CCDC178: variants seen among roughly 807,000 people sequenced by gnomAD.
The protein encoded by CCDC178 is coiled-coil domain containing 178, also known as coiled-coil domain-containing protein 178.
CCDC178 carries 126 observed loss-of-function variants against 117.4 expected under a neutral mutation model. The ratio of observed to expected loss-of-function variants is 1.07; its 90% CI spans 0.93 to 1.24. The LOEUF (loss-of-function observed/expected upper bound fraction) is 1.24, where lower values mean the gene tolerates loss of function less well. Ranked by LOEUF, CCDC178 falls within the 50% of genes most tolerant of loss-of-function variation. The probability of loss-of-function intolerance (pLI) is 0.00; values close to 1 mark genes in which losing one functional copy is unlikely to be tolerated. For synonymous variants in CCDC178, 283 were observed against 313.4 expected (o/e 0.90, Z 1.02); for missense variants, 1,030 against 986.9 (o/e 1.04, Z -0.59).
intron 21 of CCDC178, among the ~76,000 whole-genome samples, chr18:33,046,609 A>T (rs2056647327): frequency 6.6e-6 from 1 of 152,200 alleles, no homozygotes; most frequent in Non-Finnish European, 1.5e-5. Context: ...TTAAACAAGC[A>T]TTATCAATTT....
At chr18:33,415,684 C>A (rs2144913320) in intron 2 of CCDC178, among the ~76,000 whole-genome samples, 1 of 152,120 alleles carries the variant, frequency 6.6e-6, no homozygotes, top group African/African-American at 2.4e-5. Flanking sequence ...TACCCTAGAA[C>A]TTAAAGTATA....
chr18:33,195,415 G>A (rs1160167974), intron 20 of CCDC178, among the ~76,000 whole-genome samples: 1 of 152,058 alleles, frequency 6.6e-6, no homozygotes, highest in Non-Finnish European at 1.5e-5. Flanking sequence ...CTGGTTACCT[G>A]AGAGAAAGAA....
At chr18:33,121,715 T>C (rs941277980) in intron 20 of CCDC178, among the ~76,000 whole-genome samples, 1 of 152,122 alleles carries the variant, frequency 6.6e-6, no homozygotes, top group Non-Finnish European at 1.5e-5. Context: ...AGAAAATCAC[T>C]TAACCTCTCT....
At chr18:33,305,218 C>A (rs1599133950) in intron 11 of CCDC178, among the ~76,000 whole-genome samples, 1 of 152,290 alleles carries the variant, frequency 6.6e-6, no homozygotes, top group Non-Finnish European at 1.5e-5. Flanking sequence ...TAAGGGTTTA[C>A]AACCGCATCT....
intron 21 of CCDC178, among the ~76,000 whole-genome samples, chr18:33,079,856 A>T (rs991691834): frequency 6.6e-6 from 1 of 152,216 alleles, no homozygotes; most frequent in African/African-American, 2.4e-5. Context: ...CTATTGTGGA[A>T]AGCAGTGTGG....
At chr18:33,061,021 C>T (rs1268423837) in intron 21 of CCDC178, among the ~76,000 whole-genome samples, 1 of 151,922 alleles carries the variant, frequency 6.6e-6, no homozygotes, top group Non-Finnish European at 1.5e-5. Context: ...ATTATATATC[C>T]TAAAATCTAG....
chr18:33,051,439 C>G (rs965230025), intron 21 of CCDC178, among the ~76,000 whole-genome samples: 6 of 152,214 alleles, frequency 3.9e-5, no homozygotes, highest in African/African-American at 1.2e-4. Context: ...AATAAAGCCA[C>G]TTGTGAAAGT....
chr18:33,161,300 T>A (rs1326759682), intron 20 of CCDC178, among the ~76,000 whole-genome samples: 1 of 152,058 alleles, frequency 6.6e-6, no homozygotes, highest in Non-Finnish European at 1.5e-5. Flanking sequence ...CTGTGCCCAA[T>A]TTCCACTTCA....
intron 15 of CCDC178, among the ~76,000 whole-genome samples, chr18:33,231,997 C>A (rs1032870617): frequency 3.3e-5 from 5 of 152,050 alleles, no homozygotes; most frequent in Non-Finnish European, 5.9e-5. Context: ...TGTAAAGGGC[C>A]AGATAGTAAA....
Position 33,054,204 on chromosome 18 carries a change from T to C in CCDC178, c.2388+38557A>G, listed in dbSNP as rs554533552. Among the ~76,000 whole-genome samples, 8 of 152,322 alleles carry C rather than the reference T, an allele frequency of 5.3e-5. No individual in the cohort carries two copies. The South Asian group carries it at 1.7e-3, about 32-fold the overall frequency. On this transcript the variant is annotated intron_variant, in intron 21 of 22. Transcript: ENST00000383096. Reference sequence around the variant, plus strand: ...AACTGAGTTCACTTCGCAATAAATATTTCCATGAGCTGTGTCATCAAATCA... The same window carrying C: ...AACTGAGTTCACTTCGCAATAAATACTTCCATGAGCTGTGTCATCAAATCA...
chr18:33,196,011 T>C (rs2058925647), intron 20 of CCDC178, among the ~76,000 whole-genome samples: 1 of 152,202 alleles, frequency 6.6e-6, no homozygotes, highest in Non-Finnish European at 1.5e-5. Flanking sequence ...CCTCTGGGCC[T>C]CTGGAATGTC....
intron 10 of CCDC178, among the ~76,000 whole-genome samples, chr18:33,330,127 G>A (rs1423389806): frequency 6.6e-6 from 1 of 151,758 alleles, no homozygotes; most frequent in African/African-American, 2.4e-5. Flanking sequence ...ATTTCTCTCT[G>A]AGGAAGTATT....
intron 21 of CCDC178, among the ~76,000 whole-genome samples, chr18:33,015,361 C>G (rs1195282162): frequency 1.3e-5 from 2 of 151,792 alleles, no homozygotes; most frequent in Admixed American, 1.3e-4. Flanking sequence ...GTCAGGAGAC[C>G]GAGACCATCC....
intron 14 of CCDC178, among the ~76,000 whole-genome samples, chr18:33,255,045 T>C (rs1238338294): frequency 1.3e-5 from 2 of 151,970 alleles, no homozygotes; most frequent in African/African-American, 4.8e-5. Context: ...TGGATTAGTT[T>C]TTATGGGAAT....
chr18:32,995,994 C>T (rs537014092), intron 21 of CCDC178, among the ~76,000 whole-genome samples: 3 of 151,496 alleles, frequency 2.0e-5, no homozygotes, highest in African/African-American at 4.8e-5. Flanking sequence ...CACACACACA[C>T]CCCTAAGTGA....
intron 5 of CCDC178, among the ~76,000 whole-genome samples, chr18:33,383,317 G>A (rs2063458698): frequency 1.3e-5 from 2 of 152,104 alleles, no homozygotes. Flanking sequence ...GAAGAGATCA[G>A]CTGATCCTGA....
Position 33,349,066 on chromosome 18 carries a change from T to G in CCDC178, c.372-91A>C, listed in dbSNP as rs189509698. 2.1e-3 allele frequency: 1,571 copies of G among 733,506 alleles called. 14 individuals are homozygous for G. The African/African-American group carries it at 0.024, about 11-fold the overall frequency. 45.4% of individuals were successfully genotyped at this position (733,506 alleles called of 1,614,324 possible). ...ATGCTCTTCTATTGAATTTTAAATATTTGTGGTGAAACTTACTATACAAGA... is the reference window on the plus strand; with the variant it reads ...ATGCTCTTCTATTGAATTTTAAATAGTTGTGGTGAAACTTACTATACAAGA... On this transcript the variant is annotated intron_variant, in intron 7 of 22. Coordinates refer to ENST00000383096, the MANE Select transcript of CCDC178 (RefSeq NM_001105528.4).
chr18:33,090,264 A>G (rs746344557), intron 21 of CCDC178, among the ~76,000 whole-genome samples: 7 of 152,228 alleles, frequency 4.6e-5, no homozygotes, highest in African/African-American at 9.6e-5. Flanking sequence ...TATACTTTGT[A>G]TAGAGAGAAT....
At chr18:32,963,432 C>A (rs1262241201) in intron 22 of CCDC178, among the ~76,000 whole-genome samples, 2 of 152,026 alleles carry the variant, frequency 1.3e-5, no homozygotes, top group Non-Finnish European at 1.5e-5. Flanking sequence ...GTAAAGTTTA[C>A]TGTCTGTACC....
Sources: gnomAD v4.1 joint callset for allele counts (sites outside exome capture counted in the v4.1 genomes callset) on GRCh38, gnomAD v4.1.1 for gene constraint, MANE v1.5 for transcripts, NCBI Gene and HGNC (gene_info 2026-07-23, HGNC 2026-07-21) for gene names.